The following SNRPN variants were observed in gnomAD, a reference collection of about 807,000 sequenced individuals.
SNRPN encodes small nuclear ribonucleoprotein polypeptide N, also known as small nuclear ribonucleoprotein-associated protein N.
In SNRPN, 7 loss-of-function variants were observed where a neutral mutation model predicts 25.2. That is an observed-to-expected ratio of 0.28 (90% CI 0.16 to 0.52). SNRPN has a LOEUF of 0.52. SNRPN is among the 20% of genes least tolerant of loss of function. The pLI is 0.96. For synonymous variants in SNRPN, 124 were observed against 110.6 expected, an observed-to-expected ratio of 1.12 and a Z score of -0.76; for missense variants, 196 against 322.5, an observed-to-expected ratio of 0.61 and a Z score of 3.00.
chr15:24,884,457 A>C (rs1172912174), intron 1 of SNRPN, among the ~76,000 whole-genome samples: 1 of 152,164 alleles, frequency 6.6e-6, no homozygotes, highest in Non-Finnish European at 1.5e-5. Flanking sequence ...AGAGGAAAGG[A>C]GAGATTGGGT....
intron 2 of SNRPN, among the ~76,000 whole-genome samples, chr15:24,915,075 C>T (rs1016274692): frequency 1.3e-5 from 2 of 151,844 alleles, no homozygotes; most frequent in African/African-American, 4.8e-5. Flanking sequence ...TGAACCTGAT[C>T]AGATATCAAG....
chr15:24,870,116 A>C (rs1226936940), intron 1 of SNRPN, among the ~76,000 whole-genome samples: 1 of 152,110 alleles, frequency 6.6e-6, no homozygotes, highest in Non-Finnish European at 1.5e-5. Flanking sequence ...TGGTGGTTCA[A>C]TTGTAATGTT....
rs115322433 is a variant in SNRPN, at chr15:24,914,148, C to T, written c.-504-5863C>T. Among the ~76,000 whole-genome samples, 500 of 152,160 alleles carry T rather than the reference C, an allele frequency of 3.3e-3. 5 individuals carry two copies. Among genetic ancestry groups the T allele is most frequent in the African/African-American group, 0.012 (478 of 41,520 alleles). The stretch of plus-strand genomic sequence containing the variant: ...CTTCGCAACTCTATATCTTGCTTTT[C>T]GGCCAGTAAAGGAAGAACAAAAAAC... On this transcript the variant is annotated intron_variant, in intron 2 of 11. Coordinates refer to the SNRPN transcript ENST00000400097.
At chr15:24,940,788 G>T (rs1180263882) in intron 3 of SNRPN, among the ~76,000 whole-genome samples, 1 of 151,986 alleles carries the variant, frequency 6.6e-6, no homozygotes, top group Non-Finnish European at 1.5e-5. Flanking sequence ...GAGTGAAAAA[G>T]AGGTGAGATT....
upstream of SNRPN, chr15:24,856,516 A>G (rs1371161571): frequency 1.3e-5 from 2 of 152,228 alleles, no homozygotes; most frequent in Admixed American, 6.5e-5. Flanking sequence ...CCTGCTGCAG[A>G]CCACGCCCAC....
intron 3 of SNRPN, among the ~76,000 whole-genome samples, chr15:24,942,035 C>T (rs904799738): frequency 3.3e-5 from 5 of 152,164 alleles, no homozygotes; most frequent in Admixed American, 6.5e-5. Context: ...ACCTTGGCCT[C>T]CCAAAGTGCT....
chr15:24,859,906 G>A (rs1032913702), intron 1 of SNRPN, among the ~76,000 whole-genome samples: 1 of 152,188 alleles, frequency 6.6e-6, no homozygotes, highest in Non-Finnish European at 1.5e-5. Context: ...GACGACCAGA[G>A]GTCACTCTCG....
At chr15:24,823,929 A>G (rs1214295212) in intron 1 of SNRPN, 2 of 152,070 alleles carry the variant, frequency 1.3e-5, no homozygotes, top group Non-Finnish European at 2.9e-5. Context: ...AAACCAATTC[A>G]TATTTTGTAT....
chr15:24,873,661 ATGG>A (rs985229905), intron 1 of SNRPN, among the ~76,000 whole-genome samples: 3 of 151,964 alleles, frequency 2.0e-5, no homozygotes, highest in Admixed American at 1.3e-4. Flanking sequence ...GTTAGCCAGG[ATGG>A]TCTCGATCTC....
At chr15:24,878,612 T>C (rs1341588593) in intron 1 of SNRPN, among the ~76,000 whole-genome samples, 1 of 152,260 alleles carries the variant, frequency 6.6e-6, no homozygotes, top group Admixed American at 6.5e-5. Flanking sequence ...TTGCACTTTA[T>C]GTGTGCATTA....
intron 2 of SNRPN, among the ~76,000 whole-genome samples, chr15:24,835,140 A>AG (rs2051038877): frequency 1.1e-4 from 7 of 66,570 alleles, no homozygotes; most frequent in Non-Finnish European, 2.1e-4. Context: ...ATAGATATAT[A>AG]TACTATATAT....
chr15:24,954,991 A>C lies in SNRPN; in HGVS notation c.-462A>C. The C allele has an allele frequency of 6.2e-7, 1 of 1,609,410 alleles. No individual in the cohort carries two copies. Among genetic ancestry groups the C allele is most frequent in the Non-Finnish European group, 8.5e-7 (1 of 1,178,868 alleles). The stretch of plus-strand genomic sequence containing the variant: ...CGCTGCTGCAGCGAGTCTGGCGCAG[A>C]GTGGAGCGGCCGCCGGAGATGCCTG... On this transcript the variant is annotated 5_prime_UTR_variant, in exon 1 of 10. Coordinates refer to ENST00000390687, the MANE Select transcript of SNRPN (RefSeq NM_003097.6).
chr15:24,832,129 CAT>C (rs1267036107), intron 2 of SNRPN, among the ~76,000 whole-genome samples: 4 of 151,764 alleles, frequency 2.6e-5, no homozygotes, highest in Non-Finnish European at 5.9e-5. Flanking sequence ...CGACAGTACA[CAT>C]GTTCCCTTTT....
chr15:24,830,129 T>G (rs1432075251), intron 2 of SNRPN, among the ~76,000 whole-genome samples: 3 of 152,146 alleles, frequency 2.0e-5, no homozygotes, highest in Admixed American at 2.0e-4. Flanking sequence ...ACTTTATTCT[T>G]TCTACCACAC....
At chr15:24,914,334 C>A (rs904096377) in intron 2 of SNRPN, among the ~76,000 whole-genome samples, 1 of 152,150 alleles carries the variant, frequency 6.6e-6, no homozygotes, top group African/African-American at 2.4e-5. Context: ...AAAGACCTTC[C>A]ATTCCAGGAA....
At chr15:24,923,283 C>A (rs1175754612) in intron 3 of SNRPN, among the ~76,000 whole-genome samples, 1 of 152,164 alleles carries the variant, frequency 6.6e-6, no homozygotes, top group East Asian at 1.9e-4. Flanking sequence ...ATCGTAATCA[C>A]TGAAGTATGT....
In SNRPN at chr15:24,932,051, A is replaced by G. The variant is rs560915423; in HGVS notation, c.-391+11927A>G. Among the ~76,000 whole-genome samples the G allele has an allele frequency of 9.9e-5, 15 of 152,164 alleles. No individual in the cohort carries two copies. In the South Asian group the frequency reaches 2.9e-3, roughly 29 times the overall value. On this transcript the variant is annotated intron_variant, in intron 3 of 11. Coordinates refer to the SNRPN transcript ENST00000400097. The stretch of plus-strand genomic sequence containing the variant: ...AGACTATGACCCTCGCACAGAGGCC[A>G]GGAGACAGGGGCCCTATCTTCTGCT...
At chr15:24,888,026 A>G (rs1160468029) in intron 2 of SNRPN, among the ~76,000 whole-genome samples, 1 of 152,172 alleles carries the variant, frequency 6.6e-6, no homozygotes, top group Middle Eastern at 3.2e-3. Context: ...ATGTCACTGA[A>G]CTGTACACTT....
chr15:24,957,980 C>T (rs1161821602), intron 1 of SNRPN, among the ~76,000 whole-genome samples: 7 of 152,072 alleles, frequency 4.6e-5, no homozygotes, highest in African/African-American at 1.7e-4. Flanking sequence ...GGAGTGGCAG[C>T]CCTTCCTGTG....
Sources: gnomAD v4.1 joint callset for allele counts (sites outside exome capture counted in the v4.1 genomes callset) on GRCh38, gnomAD v4.1.1 for gene constraint, MANE v1.5 for transcripts, NCBI Gene and HGNC (gene_info 2026-07-23, HGNC 2026-07-21) for gene names.